The following KIFC3 variants were observed in gnomAD, a reference collection of about 807,000 sequenced individuals.
KIFC3 encodes kinesin family member C3.
Under a neutral mutation model 101.8 loss-of-function variants are expected in KIFC3, and 60 were observed. That is an observed-to-expected ratio of 0.59 (90% CI 0.48 to 0.73). The LOEUF is 0.73. KIFC3 is among the 30% of genes least tolerant of loss of function. KIFC3 has a pLI of 0.00. For missense variants in KIFC3, 966 were observed against 1,137.1 expected, an observed-to-expected ratio of 0.85 and a Z score of 2.16; for synonymous variants, 476 against 482.7, an observed-to-expected ratio of 0.99 and a Z score of 0.18.
At chr16:57,774,712 T>A in intron 3 of KIFC3, 2 of 436,302 alleles carry the variant, frequency 4.6e-6, no homozygotes, top group Non-Finnish European at 7.9e-6. Context: ...TTTTAATGTA[T>A]AGAAGGGTCT....
chr16:57,759,817 G>C lies in KIFC3; in HGVS notation c.2387C>G (p.Thr796Arg), dbSNP rs554025520. ...EHLEWEPACQ[T>R]PQPSARAHSA... ...GTGGGCCCGTGCCGAGGGCTGTGGC[G>C]TCTGACAAGCCGGCTCCCACTGTGA... Residue 796 changes from threonine (T) to arginine (R), a missense_variant, in exon 18 of 20, where the codon ACG (threonine) becomes AGG (arginine). Coordinates refer to ENST00000445690, the MANE Select transcript of KIFC3 (RefSeq NM_001130100.2). The C allele has an allele frequency of 2.5e-6, 4 of 1,608,944 alleles. No homozygotes were observed. In the African/African-American group the frequency reaches 4.0e-5, roughly 16 times the overall value.
At chr16:57,806,899 T>C (rs1555627058), upstream of KIFC3, among the ~76,000 whole-genome samples, 1 of 152,182 alleles carries the variant, frequency 6.6e-6, no homozygotes, top group African/African-American at 2.4e-5. Flanking sequence ...CCCTCTGAAA[T>C]CATTCATCAT....
intron 1 of KIFC3, among the ~76,000 whole-genome samples, chr16:57,851,551 T>C (rs1236408193): frequency 6.6e-6 from 1 of 150,926 alleles, no homozygotes; most frequent in Non-Finnish European, 1.5e-5. Flanking sequence ...GGAACTATTA[T>C]AATATTCGTT....
At chr16:57,842,768 A>C (rs1364268250) in intron 1 of KIFC3, among the ~76,000 whole-genome samples, 1 of 152,204 alleles carries the variant, frequency 6.6e-6, no homozygotes, top group Non-Finnish European at 1.5e-5. Context: ...CTGAGATCAC[A>C]CAGCCAGTAC....
At chr16:57,859,051 C>T (rs371327411) in intron 1 of KIFC3, among the ~76,000 whole-genome samples, 88 of 152,242 alleles carry the variant, frequency 5.8e-4, no homozygotes, top group African/African-American at 1.8e-3. Context: ...TATTCTGTGA[C>T]GTATTCTTTG....
intron 3 of KIFC3, among the ~76,000 whole-genome samples, chr16:57,791,476 G>T (rs1380030976): frequency 1.3e-5 from 2 of 152,204 alleles, no homozygotes; most frequent in African/African-American, 4.8e-5. Flanking sequence ...GGTTTTAACT[G>T]CTGGACAGAG....
In KIFC3 at chr16:57,815,393, C is replaced by T. The variant is rs2055197209; in HGVS notation, c.109-17111G>A. ...ACATCTCTGTGCTTAGAGATCCACA[C>T]CGCACCCCACCACCGCCACGTGTTT... On this transcript the variant is annotated intron_variant, in intron 1 of 2. Transcript: ENST00000563028. The T allele has an allele frequency of 4.3e-6, 5 of 1,165,816 alleles. No individual in the cohort carries two copies. In the South Asian group the frequency reaches 6.4e-5, roughly 15 times the overall value. The allele number at this position is 1,165,816 out of a possible 1,614,324, so 72.2% of individuals were successfully genotyped here.
Position 57,836,788 on chromosome 16 carries a change from C to A in KIFC3, c.108+25941G>T, listed in dbSNP as rs143462267. Among the ~76,000 whole-genome samples, 27 of 152,190 alleles carry A rather than the reference C, an allele frequency of 1.8e-4. No homozygotes were observed. The East Asian group carries it at 3.1e-3, about 17-fold the overall frequency. ...CTCACTGCAGCCTCGAAGTCCTGGG[C>A]TCATACAATCCTCCCACCTCAGCCT... On this transcript the variant is annotated intron_variant, in intron 1 of 2. Transcript: ENST00000563028.
At chr16:57,810,742 G>T (rs1330846513) in intron 1 of KIFC3, 1 of 949,422 alleles carries the variant, frequency 1.1e-6, no homozygotes, top group African/African-American at 1.8e-5. Context: ...TTTACACACA[G>T]GATTGCCTTT....
Position 57,765,646 on chromosome 16 carries a change from T to C in KIFC3, c.1331-6A>G, listed in dbSNP as rs1555602305. The C allele has an allele frequency of 1.9e-6, 3 of 1,606,908 alleles. No individual in the cohort carries two copies. The highest frequency in any genetic ancestry group is 2.6e-6 in the Non-Finnish European group (3 of 1,176,068). On this transcript the variant is annotated splice_polypyrimidine_tract_variant and splice_region_variant and intron_variant, in intron 10 of 19. Transcript: ENST00000445690. ...AGCAATCACTCGGATGTTCCCTGGA[T>C]TGGTTGGGGATGGGGAAATGGGTCC...
chr16:57,839,233 C>T (rs1251110696), intron 1 of KIFC3, among the ~76,000 whole-genome samples: 8 of 151,486 alleles, frequency 5.3e-5, no homozygotes, highest in African/African-American at 1.9e-4. Flanking sequence ...GTGATGATAT[C>T]CATCCCCTAA....
At chr16:57,793,910 A>G (rs1024128995) in intron 3 of KIFC3, among the ~76,000 whole-genome samples, 55 of 152,336 alleles carry the variant, frequency 3.6e-4, no homozygotes, top group African/African-American at 1.3e-3. Context: ...TTAATAGTGG[A>G]TTTCTCAAAG....
At chr16:57,794,861 G>C (rs1368072602) in intron 3 of KIFC3, 138 bp downstream of exon 3, 3 of 693,052 alleles carry the variant, frequency 4.3e-6, no homozygotes, top group Non-Finnish European at 6.6e-6. Context: ...GAGGGGTCAT[G>C]AGGGGCCCAA....
intron 12 of KIFC3, 140 bp downstream of exon 12, chr16:57,764,003 G>A: frequency 3.0e-6 from 2 of 674,380 alleles, no homozygotes; most frequent in Non-Finnish European, 5.2e-6. Flanking sequence ...GGCTAACACA[G>A]ATAACTACAG....
intron 3 of KIFC3, among the ~76,000 whole-genome samples, chr16:57,781,134 A>G (rs1322232210): frequency 6.6e-6 from 1 of 152,172 alleles, no homozygotes; most frequent in Non-Finnish European, 1.5e-5. Context: ...CCTGGGCAAT[A>G]TAGCAAGACT....
intron 1 of KIFC3, among the ~76,000 whole-genome samples, chr16:57,818,025 T>G (rs1555629212): frequency 6.6e-6 from 1 of 152,100 alleles, no homozygotes; most frequent in East Asian, 1.9e-4. Context: ...TTTTTTTTTT[T>G]TTTTGTTCTT....
intron 3 of KIFC3, among the ~76,000 whole-genome samples, chr16:57,778,965 C>T (rs894715711): frequency 2.0e-5 from 3 of 152,088 alleles, no homozygotes; most frequent in African/African-American, 4.8e-5. Context: ...AACTGGAACC[C>T]GTGTGCACTG....
intron 1 of KIFC3, among the ~76,000 whole-genome samples, chr16:57,860,700 A>C (rs1258253168): frequency 2.0e-5 from 3 of 151,204 alleles, no homozygotes; most frequent in African/African-American, 7.3e-5. Flanking sequence ...GAATGCCCCT[A>C]CTTTAAACTT....
intron 1 of KIFC3, among the ~76,000 whole-genome samples, chr16:57,855,236 T>G (rs1057132233): frequency 6.6e-6 from 1 of 151,424 alleles, no homozygotes; most frequent in Non-Finnish European, 1.5e-5. Flanking sequence ...GTGATTCTCA[T>G]GCCTCAGCCT....
Sources: gnomAD v4.1 joint callset for allele counts (sites outside exome capture counted in the v4.1 genomes callset) on GRCh38, gnomAD v4.1.1 for gene constraint, MANE v1.5 for transcripts, NCBI Gene and HGNC (gene_info 2026-07-23, HGNC 2026-07-21) for gene names.